TBX6: variants seen among roughly 807,000 people sequenced by gnomAD.
TBX6 encodes T-box transcription factor TBX6.
TBX6 carries 29 observed loss-of-function variants against 42.3 expected under a neutral mutation model. The observed-to-expected ratio is 0.69, with a 90% CI of 0.51 to 0.93. The LOEUF is 0.93. Among genes scored for constraint, TBX6 ranks in the 40% least tolerant of loss-of-function variants. TBX6 has a pLI of 0.00. For synonymous variants in TBX6, 249 were observed against 245.1 expected, an observed-to-expected ratio of 1.02 and a Z score of -0.15; for missense variants, 569 against 603.3, an observed-to-expected ratio of 0.94 and a Z score of 0.59.
chr16:30,086,820 G>T lies in TBX6; in HGVS notation c.871C>A (p.Arg291=). Residue 291 remains arginine (R), a synonymous_variant, in exon 7 of 9, where the codon CGG becomes AGG. Transcript: ENST00000395224. The surrounding 1 kb of genome is among the most constrained non-coding windows in gnomAD (Gnocchi z 4.6). ...TCTGTGGCTGCTGGCTCTGGGCCCC[G>T]CAGTTTCCTCTTCACACGGGCGTCT... ...ERDARVKRKL[R]GPEPAATEAY... is the part of the protein sequence containing the mutation. 6.2e-7 allele frequency: 1 copy of T among 1,613,620 alleles called. No homozygotes were observed. The highest frequency in any genetic ancestry group is 1.3e-5 in the African/African-American group (1 of 74,992).
chr16:30,090,912 G>A lies in TBX6; in HGVS notation c.199C>T (p.Pro67Ser), dbSNP rs916213529. The stretch of plus-strand genomic sequence containing the variant: ...GTGCCCATGGCAGGGGGCAGAAGGG[G>A]CAGAGGTGGGTGCGCGGCCAGGGTG... ...PRTLAAHPPL[P>S]LLPPAMGTEP... Residue 67 changes from proline to serine, a missense_variant, in exon 3 of 9, where the codon CCC (proline) becomes TCC (serine). Physicochemically the swap from Pro to Ser is moderately conservative, Grantham distance 74. This residue lies in a region of TBX6 where 134 missense variants were observed against 125.3 expected (regional missense o/e 1.07). Coordinates refer to ENST00000395224, the MANE Select transcript of TBX6 (RefSeq NM_004608.4). 6 of 1,612,318 alleles carry A rather than the reference G, an allele frequency of 3.7e-6. No individual in the cohort carries two copies. In the African/African-American group the frequency reaches 5.3e-5, roughly 14 times the overall value.
intron 1 of TBX6, chr16:30,091,519 T>G: frequency 2.1e-5 from 5 of 237,182 alleles, no homozygotes; most frequent in East Asian, 1.9e-4. Flanking sequence ...AGTTTGGCGC[T>G]TCCGGCCAGC....
In TBX6 at chr16:30,086,618, C is replaced by T. The variant is rs764553748; in HGVS notation, c.991G>A (p.Gly331Arg). 1.2e-5 allele frequency: 19 copies of T among 1,593,492 alleles called. No individual in the cohort carries two copies. The highest frequency in any genetic ancestry group is 1.7e-4 in the Middle Eastern group (1 of 5,716). Reference sequence around the variant, plus strand: ...GGTGCCGGGGCAGCGGTGGCTTCCCCGGGGGCTGGGGCCTGTTCTGGATCT... The same window carrying T: ...GGTGCCGGGGCAGCGGTGGCTTCCCTGGGGGCTGGGGCCTGTTCTGGATCT... ...ESDPEQAPAPGEATAAPAPLC... is the reference protein window; with the variant it reads ...ESDPEQAPAPREATAAPAPLC... The change falls in exon 8 of 9, where the codon GGG becomes AGG. Residue 331 changes from glycine to arginine, a missense_variant. Transcript: ENST00000395224. The surrounding 1 kb of genome is among the most constrained non-coding windows in gnomAD (Gnocchi z 4.6).
Position 30,086,023 on chromosome 16 carries a change from C to T in TBX6, c.*202G>A, listed in dbSNP as rs1288171690. On this transcript the variant is annotated 3_prime_UTR_variant, in exon 9 of 9. Coordinates refer to ENST00000395224, the MANE Select transcript of TBX6 (RefSeq NM_004608.4). This position sits in a 1 kb window ranked among gnomAD's most constrained non-coding sequence, Gnocchi z 4.6. ...GCCGGGAAGGGGAAGCCGGCCCCAG[C>T]TGGACTCCCAGCAGCCTTGGTTAGG... 10 of 559,258 alleles carry T rather than the reference C, an allele frequency of 1.8e-5. No homozygotes were observed. The highest frequency in any genetic ancestry group is 3.1e-5 in the Non-Finnish European group (10 of 324,778). The allele number at this position is 559,258 out of a possible 1,614,324, so 34.6% of individuals were successfully genotyped here. A position where few individuals can be genotyped will look rare whatever the true frequency, so the allele number is the denominator to read the frequency against.
Position 30,091,215 on chromosome 16 carries a change from A to G in TBX6, c.-22T>C. On this transcript the variant is annotated 5_prime_UTR_variant, in exon 2 of 9. Coordinates refer to ENST00000395224, the MANE Select transcript of TBX6 (RefSeq NM_004608.4). ...ACATGTTGTAGTTCCGTCTGGCCTC[A>G]GGTCTCGCTGCTTAGGGCCCCCGGT... 3 of 1,530,762 alleles carry G rather than the reference A, an allele frequency of 2.0e-6. No homozygotes were observed. Among genetic ancestry groups the G allele is most frequent in the African/African-American group, 2.7e-5 (2 of 73,178 alleles). The allele number at this position is 1,530,762 out of a possible 1,614,324, so 94.8% of individuals were successfully genotyped here.
Position 30,088,889 on chromosome 16 carries a change from G to A in TBX6, c.622-50C>T. The A allele has an allele frequency of 1.9e-6, 3 of 1,605,262 alleles. No individual in the cohort carries two copies. The highest frequency in any genetic ancestry group is 2.6e-6 in the Non-Finnish European group (3 of 1,173,420). ...TTCCCTGCCCTGCGCCTCACCCTTGGCCTCCCTTCCAGCACCCCCCAACCC... is the reference window on the plus strand; with the variant it reads ...TTCCCTGCCCTGCGCCTCACCCTTGACCTCCCTTCCAGCACCCCCCAACCC... On this transcript the variant is annotated intron_variant, in intron 4 of 8. Transcript: ENST00000395224. This position sits in a 1 kb window ranked among gnomAD's most constrained non-coding sequence, Gnocchi z 4.1.
rs747880223 is a variant in TBX6, at chr16:30,086,740, C to T, written c.913+38G>A. ...AGGTTGGGCTAGGGAGGATCCCTGT[C>T]TCAGGCCTGGCCCCATCGCCATCGG... is the stretch of plus-strand genomic sequence containing the variant. On this transcript the variant is annotated intron_variant, in intron 7 of 8. Transcript: ENST00000395224. This position sits in a 1 kb window ranked among gnomAD's most constrained non-coding sequence, Gnocchi z 4.6. The T allele has an allele frequency of 1.2e-6, 2 of 1,613,254 alleles. No homozygotes were observed.
In TBX6 at chr16:30,088,372, T is replaced by C; in HGVS notation, c.839+173A>G. 1 of 904,140 alleles carries C rather than the reference T, an allele frequency of 1.1e-6. No homozygotes were observed. Among genetic ancestry groups the C allele is most frequent in the Non-Finnish European group, 1.7e-6 (1 of 586,648 alleles). 56.0% of individuals were successfully genotyped at this position (904,140 alleles called of 1,614,324 possible). On this transcript the variant is annotated intron_variant, in intron 6 of 8. Coordinates refer to ENST00000395224, the MANE Select transcript of TBX6 (RefSeq NM_004608.4). The surrounding 1 kb of genome is among the most constrained non-coding windows in gnomAD (Gnocchi z 4.1). ...TTTGCTTTGTTTGTTTTATCTCCAG[T>C]GCCTGGAACTGTCCCTGGCACATAG...
chr16:30,089,947 AAAAAAAAAG>A (rs1331911369), intron 3 of TBX6, among the ~76,000 whole-genome samples: 5 of 151,776 alleles, frequency 3.3e-5, no homozygotes, highest in African/African-American at 1.2e-4. Flanking sequence ...AAAAAAAAAA[AAAAAAAAAG>A]AAGCCAGAGG....
In TBX6 at chr16:30,089,014, G is replaced by A; in HGVS notation, c.550C>T (p.His184Tyr). 2 of 1,614,036 alleles carry A rather than the reference G, an allele frequency of 1.2e-6. No homozygotes were observed. The highest frequency in any genetic ancestry group is 1.7e-6 in the Non-Finnish European group (2 of 1,179,954). Residue 184 changes from histidine to tyrosine, a missense_variant, in exon 4 of 9, where the codon CAT (histidine) becomes TAT (tyrosine). His to Tyr is a moderately conservative substitution (Grantham distance 83). Around this residue, in one of 3 missense-constraint regions of TBX6, gnomAD observed 190 missense variants for 250.6 expected, o/e 0.76. Transcript: ENST00000395224. ...AAAGACACAGGCTGCCGCATCCAAT[G>A]TGCACCAGTGGCAGGAGAGTCGGGG... ...IHPDSPATGA[H>Y]WMRQPVSFHR...
chr16:30,090,650 G>T, intron 3 of TBX6, 108 bp downstream of exon 3: 2 of 1,125,390 alleles, frequency 1.8e-6, no homozygotes, highest in Non-Finnish European at 2.5e-6. Context: ...CTAGGCCTAG[G>T]CAGAGCTCTA....
chr16:30,090,845 G>C lies in TBX6; in HGVS notation c.266C>G (p.Pro89Arg). The change falls in exon 3 of 9, where the codon CCG becomes CGG. Residue 89 changes from proline to arginine, a missense_variant. By Grantham distance (103) the Pro-to-Arg change is moderately radical (BLOSUM62 -2). Around this residue, in one of 3 missense-constraint regions of TBX6, gnomAD observed 134 missense variants for 125.3 expected, o/e 1.07. Coordinates refer to ENST00000395224, the MANE Select transcript of TBX6 (RefSeq NM_004608.4). ...PSAPEALHSL[P>R]GVSLSLENRE... ...GTTCTCCAGGCTCAGGCTGACCCCC[G>C]GGAGGGAATGGAGGGCCTCTGGAGC... 1 of 1,604,934 alleles carries C rather than the reference G, an allele frequency of 6.2e-7. No individual in the cohort carries two copies.
Position 30,088,613 on chromosome 16 carries a change from GATCTGGGGACACAC to G in TBX6, c.769-12_770del. On this transcript the variant is annotated splice_acceptor_variant and splice_polypyrimidine_tract_variant and coding_sequence_variant and intron_variant, in exon 6 of 9. Coordinates refer to ENST00000395224, the MANE Select transcript of TBX6 (RefSeq NM_004608.4). LOFTEE classifies it high-confidence loss of function. This position sits in a 1 kb window ranked among gnomAD's most constrained non-coding sequence, Gnocchi z 4.1. ...GATTGGCTGCAATCTTCAGTTGTGT[GATCTGGGGACACAC>G]ATGCAGGGTCAAAGCAACTGCGGTC... 1.2e-6 allele frequency: 2 copies of G among 1,614,206 alleles called. No individual in the cohort carries two copies. Among genetic ancestry groups the G allele is most frequent in the South Asian group, 2.2e-5 (2 of 91,076 alleles).
At position 30,089,158 on chromosome 16, in the gene TBX6, G is replaced by A. The variant is rs201656580; in HGVS notation, c.406C>T (p.Arg136Cys). 142 of 1,614,082 alleles carry A rather than the reference G, an allele frequency of 8.8e-5. 2 individuals are homozygous for A. The East Asian group carries it at 2.8e-3, about 32-fold the overall frequency. ...VSVTGLDPEA[R>C]YLFLLDVIPV... ...ATCACATCCAGAAGAAACAAGTAGCGGGCCTCGGGGTCCAGGCCAGTGACT... is the reference window on the plus strand; with the variant it reads ...ATCACATCCAGAAGAAACAAGTAGCAGGCCTCGGGGTCCAGGCCAGTGACT... The change falls in exon 4 of 9, where the codon CGC (arginine) becomes TGC (cysteine). Residue 136 changes from arginine (R) to cysteine (C), a missense_variant. By Grantham distance (180) the Arg-to-Cys change is radical. This residue lies in a region of TBX6 where 190 missense variants were observed against 250.6 expected (regional missense o/e 0.76). Coordinates refer to ENST00000395224, the MANE Select transcript of TBX6 (RefSeq NM_004608.4).
intron 6 of TBX6, among the ~76,000 whole-genome samples, chr16:30,087,737 T>C (rs934781333): frequency 2.0e-5 from 3 of 152,238 alleles, no homozygotes; most frequent in East Asian, 1.9e-4. Context: ...CTCCCTAGTG[T>C]GCTTTGCCAG....
chr16:30,086,664 C>T lies in TBX6; in HGVS notation c.945G>A (p.Leu315=), dbSNP rs770747293. The T allele has an allele frequency of 6.2e-7, 1 of 1,610,590 alleles. No homozygotes were observed. ...DTPGGPCDST[L]GGDIRESDPE... Reference sequence around the variant, plus strand: ...GATCTGATTCACGAATGTCTCCACCCAGGGTGGAGTCGCAGGGACCACCTG... The same window carrying T: ...GATCTGATTCACGAATGTCTCCACCTAGGGTGGAGTCGCAGGGACCACCTG... The change falls in exon 8 of 9, where the codon CTG becomes CTA. Residue 315 remains leucine (L), a synonymous_variant. Transcript: ENST00000395224. This position sits in a 1 kb window ranked among gnomAD's most constrained non-coding sequence, Gnocchi z 4.6.
chr16:30,088,582 C>G lies in TBX6; in HGVS notation c.802G>C (p.Ala268Pro). ...TQLKIAANPF[A>P]KGFRENGRNC... Reference sequence around the variant, plus strand: ...CTGCCGTTCTCCCGGAAGCCTTTGGCAAAGGGATTGGCTGCAATCTTCAGT... The same window carrying G: ...CTGCCGTTCTCCCGGAAGCCTTTGGGAAAGGGATTGGCTGCAATCTTCAGT... The change falls in exon 6 of 9, where the codon GCC (alanine) becomes CCC (proline). Residue 268 changes from alanine to proline, a missense_variant. This residue lies in a region of TBX6 where 190 missense variants were observed against 250.6 expected (regional missense o/e 0.76). Transcript: ENST00000395224. This position sits in a 1 kb window ranked among gnomAD's most constrained non-coding sequence, Gnocchi z 4.1. 1 of 1,614,174 alleles carries G rather than the reference C, an allele frequency of 6.2e-7. No individual in the cohort carries two copies. The highest frequency in any genetic ancestry group is 8.5e-7 in the Non-Finnish European group (1 of 1,180,034).
intron 3 of TBX6, among the ~76,000 whole-genome samples, chr16:30,089,900 T>C (rs2072695507): frequency 7.4e-6 from 1 of 134,776 alleles, no homozygotes; most frequent in Non-Finnish European, 1.5e-5. Flanking sequence ...GCCACTACAC[T>C]CTAGCCTGGG....
In TBX6 at chr16:30,086,758, G is replaced by A. The variant is rs1453265161; in HGVS notation, c.913+20C>T. The A allele has an allele frequency of 3.1e-6, 5 of 1,613,594 alleles. No homozygotes were observed. Among genetic ancestry groups the A allele is most frequent in the East Asian group, 2.2e-5 (1 of 44,874 alleles). ...TCCCTGTCTCAGGCCTGGCCCCATC[G>A]CCATCGGGACTACACTCACCTCCGC... On this transcript the variant is annotated intron_variant, in intron 7 of 8. Transcript: ENST00000395224. The surrounding 1 kb of genome is among the most constrained non-coding windows in gnomAD (Gnocchi z 4.6).
Sources: allele counts gnomAD v4.1 joint callset (sites outside exome capture counted in the v4.1 genomes callset), GRCh38; gene constraint gnomAD v4.1.1; regional missense constraint gnomAD v4.1.1; non-coding constraint Gnocchi (gnomAD v3.1); transcripts MANE v1.5; gene names NCBI Gene and HGNC (gene_info 2026-07-23, HGNC 2026-07-21).